The following GVQW3 variants were observed in gnomAD, a reference collection of about 807,000 sequenced individuals.
GVQW3 encodes the protein GVQW motif containing 3.
GVQW3 carries 7 observed loss-of-function variants against 12.5 expected under a neutral mutation model. The observed-to-expected ratio is 0.56, with a 90% CI of 0.32 to 1.05. The LOEUF (loss-of-function observed/expected upper bound fraction) is 1.05. GVQW3 is among the 50% of genes least tolerant of loss of function. The pLI is 0.04. For missense variants in GVQW3, 188 were observed against 190.8 expected (o/e 0.99, Z 0.09); for synonymous variants, 71 against 67.2 (o/e 1.06, Z -0.28).
rs552333614 is a variant in GVQW3 at position 76,405,200 on chromosome 11, C to T, written c.*1442C>T. 1.3e-3 allele frequency: 196 copies of T among 152,248 alleles called. 2 individuals carry two copies. Among genetic ancestry groups the T allele is most frequent in the African/African-American group, 4.6e-3 (190 of 41,544 alleles). 9.4% of individuals were successfully genotyped at this position (152,248 alleles called of 1,614,324 possible). On this transcript the variant is annotated 3_prime_UTR_variant, in exon 2 of 2. Transcript: ENST00000529331. Reference sequence around the variant, plus strand: ...TTCAGACTCAGCAGTCCTGTTTCATCAGGAAAGCAAAAGCTCTCCCAGTAA... The same window carrying T: ...TTCAGACTCAGCAGTCCTGTTTCATTAGGAAAGCAAAAGCTCTCCCAGTAA...
chr11:76,384,360 C>T (rs192313088), intron 1 of GVQW3, among the ~76,000 whole-genome samples: 4 of 152,286 alleles, frequency 2.6e-5, no homozygotes, highest in South Asian at 2.1e-4. Flanking sequence ...TCTTGCTCTG[C>T]TGCCCAGGCT....
exon 2 of GVQW3, chr11:76,413,675 C>T (rs1230318359): frequency 6.6e-6 from 1 of 152,258 alleles, no homozygotes; most frequent in African/African-American, 2.4e-5. Context: ...TTGGCCACCT[C>T]CCCTCCCCTG....
Position 76,381,492 on chromosome 11 carries a change from G to T in GVQW3, c.-337G>T, listed in dbSNP as rs963674162. 2.1e-4 allele frequency: 47 copies of T among 226,622 alleles called. No individual in the cohort carries two copies. Among genetic ancestry groups the T allele is most frequent in the South Asian group, 9.8e-5 (1 of 10,252 alleles). 14.0% of individuals were successfully genotyped at this position (226,622 alleles called of 1,614,324 possible). On this transcript the variant is annotated 5_prime_UTR_variant, in exon 1 of 2. Coordinates refer to ENST00000529331, the MANE Select transcript of GVQW3 (RefSeq NM_001347885.2). ...CACTTAGGCCTTTCTTGCAGAATTC[G>T]CCATATACTCCTTAAGGGCCGCGGA...
At chr11:76,394,939 A>T (rs929088732) in intron 1 of GVQW3, 1 of 152,214 alleles carries the variant, frequency 6.6e-6, no homozygotes, top group African/African-American at 2.4e-5. Flanking sequence ...ATGTCAAGAA[A>T]ACTGTAACAC....
At chr11:76,389,258 AT>A (rs1212026762) in intron 1 of GVQW3, among the ~76,000 whole-genome samples, 1 of 152,264 alleles carries the variant, frequency 6.6e-6, no homozygotes, top group African/African-American at 2.4e-5. Flanking sequence ...TGGAAAGGAT[AT>A]GCAAACTCTG....
chr11:76,396,158 C>T (rs886882523), intron 1 of GVQW3, among the ~76,000 whole-genome samples: 3 of 152,054 alleles, frequency 2.0e-5, no homozygotes, highest in African/African-American at 7.2e-5. Context: ...TGAACTTTTC[C>T]TTTTATCATT....
rs1396978306 is a variant in GVQW3 at position 76,382,079 on chromosome 11, C to G, written c.251C>G (p.Ser84Ter). 3.9e-6 allele frequency: 6 copies of G among 1,536,570 alleles called. No individual in the cohort carries two copies. In the South Asian group the frequency reaches 7.1e-5, roughly 18 times the overall value. ...NIQKVKDLVC[S>*]NRQLTVRMMA... ...CAGAAGGTCAAGGACTTGGTTTGTT[C>G]AAACAGGCAGTTAACCGTGAGGATG... Residue 84 changes from serine (S) to a stop codon, truncating the protein, a stop_gained, in exon 1 of 2, where the codon TCA becomes TGA. Coordinates refer to ENST00000529331, the MANE Select transcript of GVQW3 (RefSeq NM_001347885.2). LOFTEE classifies it high-confidence loss of function.
At chr11:76,388,567 T>G (rs1445570670) in intron 1 of GVQW3, among the ~76,000 whole-genome samples, 1 of 151,778 alleles carries the variant, frequency 6.6e-6, no homozygotes, top group African/African-American at 2.4e-5. Flanking sequence ...CTGTGTTAAT[T>G]CACTCAACAA....
In GVQW3 at chr11:76,381,444, T is replaced by G. The variant is rs1456098403; in HGVS notation, c.-385T>G. On this transcript the variant is annotated 5_prime_UTR_variant, in exon 1 of 2. Coordinates refer to ENST00000529331, the MANE Select transcript of GVQW3 (RefSeq NM_001347885.2). ...GCACGTTACATCACCGATGCATCTCTTCTTGCTTGCTTAATTTGCCACCAC... is the reference window on the plus strand; with the variant it reads ...GCACGTTACATCACCGATGCATCTCGTCTTGCTTGCTTAATTTGCCACCAC... The G allele has an allele frequency of 5.6e-6, 1 of 177,034 alleles. No homozygotes were observed. Among genetic ancestry groups the G allele is most frequent in the Admixed American group, 5.7e-5 (1 of 17,406 alleles). 11.0% of individuals were successfully genotyped at this position (177,034 alleles called of 1,614,324 possible). A position where few individuals can be genotyped will look rare whatever the true frequency, so the allele number is the denominator to read the frequency against.
intron 1 of GVQW3, among the ~76,000 whole-genome samples, chr11:76,398,134 C>CA (rs58006104): frequency 0.45 from 47,957 of 107,706 alleles, 8,931 homozygotes; most frequent in East Asian, 0.56. Context: ...GACTGTGTCT[C>CA]AAAAAAAAAA....
chr11:76,413,583 G>T (rs1947096276), exon 2 of GVQW3: 1 of 152,204 alleles, frequency 6.6e-6, no homozygotes, highest in Non-Finnish European at 1.5e-5. Flanking sequence ...AAAGGGGAAT[G>T]CTCAATAAAG....
At chr11:76,412,742 C>G (rs1293953301), downstream of GVQW3, 1 of 152,204 alleles carries the variant, frequency 6.6e-6, no homozygotes, top group Non-Finnish European at 1.5e-5. Flanking sequence ...AATTCTTGAG[C>G]TGGGAAGGCC....
downstream of GVQW3, among the ~76,000 whole-genome samples, chr11:76,409,901 C>T (rs1947069715): frequency 6.6e-6 from 1 of 152,118 alleles, no homozygotes. Context: ...TACTTTCCAC[C>T]CTGCTCATTC....
intron 1 of GVQW3, chr11:76,382,515 C>A: frequency 1.6e-6 from 1 of 609,416 alleles, no homozygotes; most frequent in East Asian, 2.7e-5. Flanking sequence ...CTGTTAGGCA[C>A]CTTCTTTGGC....
chr11:76,401,972 G>A (rs74892113), intron 1 of GVQW3, among the ~76,000 whole-genome samples: 1 of 151,932 alleles, frequency 6.6e-6, no homozygotes, highest in African/African-American at 2.4e-5. Flanking sequence ...CTTCTCTAAC[G>A]CCAGGATACA....
At chr11:76,390,924 G>A (rs1946885793) in intron 1 of GVQW3, among the ~76,000 whole-genome samples, 1 of 152,128 alleles carries the variant, frequency 6.6e-6, no homozygotes, top group South Asian at 2.1e-4. Context: ...GAGGCACACA[G>A]CACAACACCT....
rs386755141 is a variant in GVQW3, at chr11:76,404,644, GAA to G, written c.*887_*888del. The G allele has an allele frequency of 5.3e-5, 8 of 152,324 alleles. No homozygotes were observed. Among genetic ancestry groups the G allele is most frequent in the African/African-American group, 1.9e-4 (8 of 41,458 alleles). The allele number at this position is 152,324 out of a possible 1,614,324, so 9.4% of individuals were successfully genotyped here. ...CAGGCAGGAGGTGGGCAGTGAAGGG[GAA>G]TACCAAGCATCCTGCACATCAGGTA... On this transcript the variant is annotated 3_prime_UTR_variant, in exon 2 of 2. Transcript: ENST00000529331.
In GVQW3 at chr11:76,405,725, C is replaced by T. The variant is rs1947032761; in HGVS notation, c.*1967C>T. On this transcript the variant is annotated 3_prime_UTR_variant, in exon 2 of 2. Coordinates refer to ENST00000529331, the MANE Select transcript of GVQW3 (RefSeq NM_001347885.2). ...CAGGCTGGAGCGCAGTTGATTGTAGCTCACTGCAGCCTCCAACTCCATGGC... is the reference window on the plus strand; with the variant it reads ...CAGGCTGGAGCGCAGTTGATTGTAGTTCACTGCAGCCTCCAACTCCATGGC... 1 of 152,624 alleles carries T rather than the reference C, an allele frequency of 6.6e-6. No homozygotes were observed. Among genetic ancestry groups the T allele is most frequent in the Admixed American group, 6.5e-5 (1 of 15,294 alleles). 9.5% of individuals were successfully genotyped at this position (152,624 alleles called of 1,614,324 possible). A position where few individuals can be genotyped will look rare whatever the true frequency, so the allele number is the denominator to read the frequency against.
At chr11:76,388,282 C>G (rs1946856141) in intron 1 of GVQW3, among the ~76,000 whole-genome samples, 1 of 152,152 alleles carries the variant, frequency 6.6e-6, no homozygotes, top group Non-Finnish European at 1.5e-5. Context: ...TTTTTGCATG[C>G]TTGCAAATAT....
Sources: gnomAD v4.1 joint callset for allele counts (sites outside exome capture counted in the v4.1 genomes callset) on GRCh38, gnomAD v4.1.1 for gene constraint, MANE v1.5 for transcripts, NCBI Gene and HGNC (gene_info 2026-07-23, HGNC 2026-07-21) for gene names.